The following ADAMTS12 variants were observed in gnomAD, a reference collection of about 807,000 sequenced individuals.
The protein encoded by ADAMTS12 is A disintegrin and metalloproteinase with thrombospondin motifs 12.
Under a neutral mutation model 167.8 loss-of-function variants are expected in ADAMTS12, and 118 were observed. That is an observed-to-expected ratio of 0.70 (90% CI 0.61 to 0.82). The LOEUF is 0.82. ADAMTS12 is among the 40% of genes least tolerant of loss of function. The pLI, the probability that ADAMTS12 is intolerant of heterozygous loss-of-function variation, is 0.00. For synonymous variants in ADAMTS12, 704 were observed against 716.9 expected (o/e 0.98, Z 0.29); for missense variants, 1,916 against 1,998.8 (o/e 0.96, Z 0.79).
intron 5 of ADAMTS12, among the ~76,000 whole-genome samples, chr5:33,662,346 T>G (rs939045186): frequency 6.6e-6 from 1 of 152,238 alleles, no homozygotes; most frequent in African/African-American, 2.4e-5. Context: ...AAAAGCTATT[T>G]GAAGGTCTAT....
At chr5:33,818,557 T>C (rs1211352230) in intron 2 of ADAMTS12, among the ~76,000 whole-genome samples, 1 of 104,202 alleles carries the variant, frequency 9.6e-6, no homozygotes, top group Non-Finnish European at 2.2e-5. Context: ...GATCTATGTA[T>C]GAGGTGGTGA....
chr5:33,605,160 C>T (rs928061833), intron 16 of ADAMTS12, among the ~76,000 whole-genome samples: 3 of 152,190 alleles, frequency 2.0e-5, no homozygotes, highest in African/African-American at 7.2e-5. Flanking sequence ...TCAGTCTTCC[C>T]TATGCTCAAA....
intron 2 of ADAMTS12, among the ~76,000 whole-genome samples, chr5:33,846,803 CT>C (rs1461038945): frequency 6.6e-6 from 1 of 152,166 alleles, no homozygotes; most frequent in African/African-American, 2.4e-5. Context: ...GGTTTGAAGG[CT>C]TTTCAGCACA....
chr5:33,862,139 A>G (rs1347122055), intron 2 of ADAMTS12, among the ~76,000 whole-genome samples: 1 of 152,190 alleles, frequency 6.6e-6, no homozygotes, highest in Non-Finnish European at 1.5e-5. Context: ...AAGAACAAAC[A>G]AATTCAAAAC....
chr5:33,570,735 C>A (rs1475092240), intron 19 of ADAMTS12, among the ~76,000 whole-genome samples: 1 of 151,108 alleles, frequency 6.6e-6, no homozygotes, highest in Non-Finnish European at 1.5e-5. Flanking sequence ...GGATCAAATT[C>A]ACACATAACA....
At chr5:33,847,251 T>G (rs962921089) in intron 2 of ADAMTS12, among the ~76,000 whole-genome samples, 17 of 152,200 alleles carry the variant, frequency 1.1e-4, no homozygotes, top group Admixed American at 6.5e-4. Context: ...TTTCTACCCA[T>G]GTCCAGACTC....
chr5:33,633,790 A>C (rs1399712926), intron 12 of ADAMTS12, among the ~76,000 whole-genome samples: 1 of 152,088 alleles, frequency 6.6e-6, no homozygotes, highest in Non-Finnish European at 1.5e-5. Flanking sequence ...CCGGACATCA[A>C]CCTTGTTGAG....
intron 2 of ADAMTS12, among the ~76,000 whole-genome samples, chr5:33,835,937 CTCTCTCTCTCTCTCTCTGTGTGTG>C (rs66636230): frequency 0.32 from 31,812 of 99,648 alleles, 4,173 homozygotes; most frequent in Admixed American, 0.43. Context: ...CTCTCTCTCT[CTCTCTCTCTCTCTCTCTGTGTGTG>C]TGTGTGTGTC....
At chr5:33,658,422 A>G (rs1311504994) in intron 6 of ADAMTS12, 89 bp from the exon 7 acceptor site, 2 of 1,488,540 alleles carry the variant, frequency 1.3e-6, no homozygotes, top group East Asian at 4.6e-5. Flanking sequence ...ACTCACATTC[A>G]ATATGGTCTG....
At chr5:33,787,463 C>T (rs1746370588) in intron 2 of ADAMTS12, among the ~76,000 whole-genome samples, 1 of 152,228 alleles carries the variant, frequency 6.6e-6, no homozygotes, top group African/African-American at 2.4e-5. Flanking sequence ...AAACCTTCAG[C>T]ATTTCTATGA....
intron 2 of ADAMTS12, among the ~76,000 whole-genome samples, chr5:33,805,486 T>C (rs1251330864): frequency 6.6e-6 from 1 of 152,122 alleles, no homozygotes; most frequent in East Asian, 1.9e-4. Flanking sequence ...CTTAATCAGA[T>C]CCACATCCAG....
chr5:33,811,386 G>T (rs978024975), intron 2 of ADAMTS12, among the ~76,000 whole-genome samples: 1 of 152,168 alleles, frequency 6.6e-6, no homozygotes, highest in Non-Finnish European at 1.5e-5. Context: ...GGAGTGCAGG[G>T]GAAGGATGAC....
intron 20 of ADAMTS12, among the ~76,000 whole-genome samples, chr5:33,553,121 A>G (rs1377060903): frequency 2.0e-5 from 3 of 152,194 alleles, no homozygotes; most frequent in Non-Finnish European, 4.4e-5. Context: ...AAAAAGCTCA[A>G]TATCACTGAT....
chr5:33,622,162 G>T (rs1480892504), intron 14 of ADAMTS12, among the ~76,000 whole-genome samples: 6 of 152,178 alleles, frequency 3.9e-5, no homozygotes, highest in African/African-American at 7.2e-5. Context: ...GGGAGCAGAA[G>T]ACATTTATAA....
intron 3 of ADAMTS12, among the ~76,000 whole-genome samples, chr5:33,695,010 A>T (rs1742703159): frequency 6.6e-6 from 1 of 152,180 alleles, no homozygotes; most frequent in South Asian, 2.1e-4. Flanking sequence ...AGGGTCTCCT[A>T]GTTATTTGTT....
chr5:33,547,721 C>T (rs748013766), intron 21 of ADAMTS12, among the ~76,000 whole-genome samples: 4 of 152,150 alleles, frequency 2.6e-5, no homozygotes, highest in South Asian at 4.2e-4. Flanking sequence ...GATGGCGATC[C>T]GAGAAGCTAC....
At chr5:33,731,142 A>G (rs1744179665) in intron 3 of ADAMTS12, among the ~76,000 whole-genome samples, 1 of 152,068 alleles carries the variant, frequency 6.6e-6, no homozygotes, top group Admixed American at 6.5e-5. Flanking sequence ...GCTATTATGA[A>G]TTAATAAATT....
chr5:33,600,271 C>G (rs961481863), intron 16 of ADAMTS12, among the ~76,000 whole-genome samples: 1 of 139,938 alleles, frequency 7.1e-6, no homozygotes. Flanking sequence ...TGGATACTAG[C>G]AATGAAAAGT....
rs1235924233 is a variant in ADAMTS12 at position 33,751,447 on chromosome 5, C to T, written c.591G>A (p.Arg197=). ...GCTCCTTGGTTTCTGGAACTTTCTG[C>T]CTCCTGTAAACGATGTGCGGGTGGT... ...GGYHPHIVYR[R]QKVPETKEPT... is the part of the protein sequence containing the mutation. Residue 197 remains arginine (R), a synonymous_variant, in exon 3 of 24, where the codon AGG becomes AGA. Coordinates refer to ENST00000504830, the MANE Select transcript of ADAMTS12 (RefSeq NM_030955.4). 1 of 1,614,124 alleles carries T rather than the reference C, an allele frequency of 6.2e-7. No homozygotes were observed. The highest frequency in any genetic ancestry group is 2.2e-5 in the East Asian group (1 of 44,868).
Sources: gnomAD v4.1 joint callset for allele counts (sites outside exome capture counted in the v4.1 genomes callset) on GRCh38, gnomAD v4.1.1 for gene constraint, MANE v1.5 for transcripts, NCBI Gene and HGNC (gene_info 2026-07-23, HGNC 2026-07-21) for gene names.